ARID1B: variants seen among roughly 807,000 people sequenced by gnomAD.
The protein encoded by ARID1B is AT-rich interaction domain 1B.
Under a neutral mutation model 212.3 loss-of-function variants are expected in ARID1B, and 30 were observed. The observed-to-expected ratio is 0.14, with a 90% CI of 0.11 to 0.19. ARID1B has a LOEUF of 0.19. Ranked by LOEUF, ARID1B falls within the 10% of genes least tolerant of loss-of-function variation. The probability of loss-of-function intolerance (pLI) is 1.00; values close to 1 mark genes in which losing one functional copy is unlikely to be tolerated. For synonymous variants in ARID1B, 1,402 were observed against 1,301.7 expected, an observed-to-expected ratio of 1.08 and a Z score of -1.66; for missense variants, 2,891 against 3,204.0, an observed-to-expected ratio of 0.90 and a Z score of 2.36.
chr6:156,859,725 CA>C (rs1453771666), intron 2 of ARID1B, among the ~76,000 whole-genome samples: 1 of 152,182 alleles, frequency 6.6e-6, no homozygotes, highest in African/African-American at 2.4e-5. Context: ...TGGTTTTTTG[CA>C]TGTGCAGTTA....
intron 11 of ARID1B, among the ~76,000 whole-genome samples, chr6:157,176,800 C>T (rs1445954480): frequency 1.3e-5 from 2 of 152,072 alleles, no homozygotes; most frequent in Non-Finnish European, 2.9e-5. Flanking sequence ...GAGCCGAGAT[C>T]GCGCCACTGC....
chr6:156,867,913 G>A (rs749067710), intron 2 of ARID1B, among the ~76,000 whole-genome samples: 85 of 152,298 alleles, frequency 5.6e-4, no homozygotes, highest in Admixed American at 1.4e-3. Context: ...TTTAATGTCC[G>A]AAACGAGTTG....
At chr6:156,874,433 A>G (rs915944257) in intron 2 of ARID1B, among the ~76,000 whole-genome samples, 1 of 152,166 alleles carries the variant, frequency 6.6e-6, no homozygotes, top group African/African-American at 2.4e-5. Flanking sequence ...CTCACTGACT[A>G]TCAGCTGTAT....
chr6:156,977,469 T>A (rs1239152019), intron 4 of ARID1B, among the ~76,000 whole-genome samples: 4 of 152,224 alleles, frequency 2.6e-5, no homozygotes, highest in Non-Finnish European at 5.9e-5. Context: ...ATTTTTTACA[T>A]GCATCATTAA....
intron 3 of ARID1B, among the ~76,000 whole-genome samples, chr6:156,932,145 A>G (rs13209344): frequency 0.081 from 4,929 of 61,104 alleles, 197 homozygotes; most frequent in Admixed American, 0.24. Flanking sequence ...AAAAAAAAAA[A>G]GGGGGGGGGC....
intron 8 of ARID1B, among the ~76,000 whole-genome samples, chr6:157,163,900 G>A (rs919574174): frequency 6.6e-6 from 1 of 152,250 alleles, no homozygotes; most frequent in Admixed American, 6.5e-5. Context: ...ATACCGCACT[G>A]ATAGTAGGTT....
intron 6 of ARID1B, among the ~76,000 whole-genome samples, chr6:157,122,324 A>G (rs1254092227): frequency 2.6e-5 from 4 of 152,236 alleles, no homozygotes; most frequent in Non-Finnish European, 5.9e-5. Context: ...ACTGATGCTA[A>G]TATTACTATT....
chr6:157,159,507 A>G (rs1790789820), intron 8 of ARID1B, among the ~76,000 whole-genome samples: 1 of 152,214 alleles, frequency 6.6e-6, no homozygotes, highest in Admixed American at 6.5e-5. Flanking sequence ...TTGAAATTGC[A>G]CAACAGGTGC....
At chr6:156,827,898 T>A (rs1214470755) in intron 1 of ARID1B, among the ~76,000 whole-genome samples, 1 of 151,080 alleles carries the variant, frequency 6.6e-6, no homozygotes. Context: ...GTAGCTGGGA[T>A]TATAGGCGTG....
At chr6:157,169,496 A>T (rs1791567301) in intron 9 of ARID1B, 1 of 152,230 alleles carries the variant, frequency 6.6e-6, no homozygotes. Flanking sequence ...CAAGGGAAGG[A>T]GGATGGTAAG....
chr6:157,167,292 C>A, intron 9 of ARID1B, 107 bp downstream of exon 9: 1 of 1,378,570 alleles, frequency 7.3e-7, no homozygotes, highest in Non-Finnish European at 9.6e-7. Context: ...GATCAGTTGG[C>A]GAAAGTGGGA....
chr6:156,797,404 C>T (rs1435085697), intron 1 of ARID1B, among the ~76,000 whole-genome samples: 1 of 152,304 alleles, frequency 6.6e-6, no homozygotes, highest in East Asian at 1.9e-4. Flanking sequence ...GAGGAGCTAT[C>T]GCAGCTATTT....
At chr6:157,005,242 C>T (rs1479205181) in intron 4 of ARID1B, among the ~76,000 whole-genome samples, 1 of 152,016 alleles carries the variant, frequency 6.6e-6, no homozygotes, top group African/African-American at 2.4e-5. Context: ...CTACCTTCAC[C>T]TCCTGGGTTC....
At chr6:156,958,160 C>T (rs1414712534) in intron 4 of ARID1B, among the ~76,000 whole-genome samples, 1 of 152,186 alleles carries the variant, frequency 6.6e-6, no homozygotes, top group Admixed American at 6.5e-5. Context: ...TAGTCCAATC[C>T]ATGCCTTCTG....
At chr6:156,796,227 C>T (rs1048327208) in intron 1 of ARID1B, among the ~76,000 whole-genome samples, 6 of 152,156 alleles carry the variant, frequency 3.9e-5, no homozygotes, top group African/African-American at 1.4e-4. Flanking sequence ...TAATGTATCA[C>T]TATCAGGGTT....
intron 4 of ARID1B, among the ~76,000 whole-genome samples, chr6:157,044,855 A>G (rs144829899): frequency 7.2e-5 from 11 of 152,212 alleles, no homozygotes; most frequent in African/African-American, 2.2e-4. Context: ...ACACTGCCAC[A>G]GTGCATAGAG....
chr6:156,807,914 A>G (rs1348242467), intron 1 of ARID1B, among the ~76,000 whole-genome samples: 20 of 152,214 alleles, frequency 1.3e-4, no homozygotes, highest in Non-Finnish European at 2.8e-4. Context: ...GCCCGGAAGG[A>G]TCAGGATAGG....
At chr6:157,045,876 C>A (rs1322379040) in intron 4 of ARID1B, among the ~76,000 whole-genome samples, 5 of 152,052 alleles carry the variant, frequency 3.3e-5, no homozygotes, top group Non-Finnish European at 7.4e-5. Context: ...AAAAAATTTA[C>A]TGTTTCCGCT....
At chr6:157,097,637 G>A (rs1336277948) in intron 5 of ARID1B, among the ~76,000 whole-genome samples, 1 of 152,158 alleles carries the variant, frequency 6.6e-6, no homozygotes, top group African/African-American at 2.4e-5. Context: ...AGAGAGGGTG[G>A]AGGCGAGTGA....
Sources: gnomAD v4.1 joint callset for allele counts (sites outside exome capture counted in the v4.1 genomes callset) on GRCh38, gnomAD v4.1.1 for gene constraint, MANE v1.5 for transcripts, NCBI Gene and HGNC (gene_info 2026-07-23, HGNC 2026-07-21) for gene names.